Variants in KANK4 observed in about 807,000 individuals in gnomAD.
The protein encoded by KANK4 is KN motif and ankyrin repeat domains 4.
A neutral mutation model predicts 80.8 loss-of-function variants in KANK4; 50 were observed. The observed-to-expected ratio is 0.62, with a 90% CI of 0.49 to 0.78. The LOEUF is 0.78. Among genes scored for constraint, KANK4 ranks in the 30% least tolerant of loss-of-function variants. KANK4 has a pLI of 0.00. For missense variants in KANK4, 1,196 were observed against 1,240.1 expected (o/e 0.96, Z 0.53); for synonymous variants, 465 against 506.9 (o/e 0.92, Z 1.11).
chr1:62,288,687 A>C (rs554855321), intron 1 of KANK4, among the ~76,000 whole-genome samples: 44 of 128,768 alleles, frequency 3.4e-4, no homozygotes, highest in Admixed American at 7.2e-4. Context: ...GGCCAGTTGT[A>C]GGGAGAGAGG....
intron 3 of KANK4, among the ~76,000 whole-genome samples, chr1:62,272,987 C>T (rs903304811): frequency 6.6e-6 from 1 of 151,910 alleles, no homozygotes. Flanking sequence ...GATGGGTTTT[C>T]GCCATGTTGA....
intron 7 of KANK4, among the ~76,000 whole-genome samples, chr1:62,258,281 GC>G: frequency 6.6e-6 from 1 of 152,298 alleles, no homozygotes; most frequent in South Asian, 2.1e-4. Flanking sequence ...CATTGAAAAA[GC>G]AGTAGCTGCT....
chr1:62,239,811 A>G (rs1375126681), intron 9 of KANK4, among the ~76,000 whole-genome samples: 2 of 152,160 alleles, frequency 1.3e-5, no homozygotes, highest in African/African-American at 2.4e-5. Flanking sequence ...GATGGTTTCC[A>G]GCTTCATCCA....
At chr1:62,294,267 A>G (rs1258073421) in intron 1 of KANK4, among the ~76,000 whole-genome samples, 1 of 152,202 alleles carries the variant, frequency 6.6e-6, no homozygotes, top group Non-Finnish European at 1.5e-5. Flanking sequence ...GCTACAGTCC[A>G]GAGGGCTTGG....
intron 1 of KANK4, among the ~76,000 whole-genome samples, chr1:62,307,602 G>A (rs536635308): frequency 6.6e-6 from 1 of 151,788 alleles, no homozygotes; most frequent in South Asian, 2.1e-4. Context: ...TTAACATTCT[G>A]AGAACATTGT....
intron 9 of KANK4, among the ~76,000 whole-genome samples, chr1:62,242,458 G>A (rs1042398629): frequency 6.6e-6 from 1 of 151,602 alleles, no homozygotes; most frequent in Non-Finnish European, 1.5e-5. Flanking sequence ...TTGGAGAGGG[G>A]TGTCTTTGAA....
In KANK4 at chr1:62,273,372, G is replaced by A; in HGVS notation, c.1732C>T (p.Leu578=). ...GCCAGCTCCGGGTACCCATGCTCCA[G>A]GCAGTTCCACTGCTCCTGCAGGAGC... ...QELLQEQWNC[L]EHGYPELASA... The change falls in exon 3 of 10, where the codon CTG becomes TTG. Residue 578 remains leucine, a synonymous_variant. Coordinates refer to ENST00000371153, the MANE Select transcript of KANK4 (RefSeq NM_181712.5). 1.2e-6 allele frequency: 2 copies of A among 1,607,918 alleles called. No homozygotes were observed. Among genetic ancestry groups the A allele is most frequent in the Non-Finnish European group, 8.5e-7 (1 of 1,175,408 alleles).
chr1:62,285,750 A>G (rs1469671596), intron 1 of KANK4, among the ~76,000 whole-genome samples: 1 of 151,978 alleles, frequency 6.6e-6, no homozygotes, highest in Non-Finnish European at 1.5e-5. Flanking sequence ...CAATCCCTGC[A>G]TGATCCCTTG....
intron 1 of KANK4, among the ~76,000 whole-genome samples, chr1:62,307,000 G>A (rs1418328367): frequency 6.6e-6 from 1 of 152,048 alleles, no homozygotes; most frequent in Non-Finnish European, 1.5e-5. Flanking sequence ...ATTGGCCAAG[G>A]GTGGGTGTTT....
At chr1:62,241,944 G>A (rs1671351391) in intron 9 of KANK4, among the ~76,000 whole-genome samples, 1 of 152,116 alleles carries the variant, frequency 6.6e-6, no homozygotes, top group African/African-American at 2.4e-5. Context: ...TGGACTCCTC[G>A]ACTGCAGACA....
intron 1 of KANK4, among the ~76,000 whole-genome samples, chr1:62,284,030 G>T (rs1672507231): frequency 6.6e-6 from 1 of 152,106 alleles, no homozygotes; most frequent in South Asian, 2.1e-4. Flanking sequence ...GGGTTTCTCG[G>T]CAACTTTTTA....
chr1:62,310,652 A>G (rs1210733768), intron 1 of KANK4, among the ~76,000 whole-genome samples: 1 of 152,224 alleles, frequency 6.6e-6, no homozygotes, highest in African/African-American at 2.4e-5. Flanking sequence ...AATAGCAATT[A>G]GCTCTTCACA....
Position 62,258,502 on chromosome 1 carries a change from G to C in KANK4, c.2539+4590C>G, listed in dbSNP as rs143113412. Among the ~76,000 whole-genome samples, 68 of 152,258 alleles carry C rather than the reference G, an allele frequency of 4.5e-4. 2 individuals carry two copies. Among genetic ancestry groups the C allele is most frequent in the Admixed American group, 9.2e-4 (14 of 15,294 alleles). On this transcript the variant is annotated intron_variant, in intron 7 of 9. Transcript: ENST00000371153. The stretch of plus-strand genomic sequence containing the variant: ...ATGTGAAAATCAGAAACAACTTCAG[G>C]CTGTCATTATGTACGTTGCCTTTCC...
chr1:62,310,703 C>T (rs1464232022), intron 1 of KANK4, among the ~76,000 whole-genome samples: 2 of 152,070 alleles, frequency 1.3e-5, no homozygotes, highest in Non-Finnish European at 1.5e-5. Context: ...GCCTGCTGCT[C>T]ATGTTGGAGA....
At chr1:62,296,250 A>G (rs1393997546) in intron 1 of KANK4, among the ~76,000 whole-genome samples, 2 of 152,156 alleles carry the variant, frequency 1.3e-5, no homozygotes, top group South Asian at 2.1e-4. Flanking sequence ...TGACTGCCCC[A>G]GCAGCAGTGT....
intron 1 of KANK4, among the ~76,000 whole-genome samples, chr1:62,289,312 G>C (rs1672632859): frequency 6.6e-6 from 1 of 152,206 alleles, no homozygotes; most frequent in Middle Eastern, 3.2e-3. Context: ...GAGACCATCA[G>C]AGCCAAGATT....
At chr1:62,273,033 T>A (rs1672202190) in intron 3 of KANK4, among the ~76,000 whole-genome samples, 171 bp downstream of exon 3, 1 of 152,036 alleles carries the variant, frequency 6.6e-6, no homozygotes, top group Non-Finnish European at 1.5e-5. Context: ...TCAGGAGATC[T>A]TCCCACCTCC....
intron 7 of KANK4, among the ~76,000 whole-genome samples, chr1:62,259,542 G>C (rs1214021132): frequency 6.6e-6 from 1 of 152,032 alleles, no homozygotes; most frequent in East Asian, 1.9e-4. Context: ...CTCCCAAAGT[G>C]CCAGGATTAT....
At chr1:62,288,396 CCTTAGGCTTTTGCA>C (rs1256066877) in intron 1 of KANK4, among the ~76,000 whole-genome samples, 2 of 152,128 alleles carry the variant, frequency 1.3e-5, no homozygotes, top group Non-Finnish European at 2.9e-5. Flanking sequence ...CTAAGCAATC[CCTTAGGCTTTTGCA>C]CTTTACTCAG....
Sources: allele counts gnomAD v4.1 joint callset (sites outside exome capture counted in the v4.1 genomes callset), GRCh38; gene constraint gnomAD v4.1.1; transcripts MANE v1.5; gene names NCBI Gene and HGNC (gene_info 2026-07-23, HGNC 2026-07-21).